The following ZNF385D variants were observed in gnomAD, a reference collection of about 807,000 sequenced individuals.
The protein encoded by ZNF385D is zinc finger protein 659.
Under a neutral mutation model 35.8 loss-of-function variants are expected in ZNF385D, and 15 were observed. The ratio of observed to expected loss-of-function variants is 0.42; its 90% CI spans 0.28 to 0.64. The LOEUF (loss-of-function observed/expected upper bound fraction) is 0.64, where lower values mean the gene tolerates loss of function less well. Among genes scored for constraint, ZNF385D ranks in the 30% least tolerant of loss-of-function variants. The pLI is 0.23. For synonymous variants in ZNF385D, 212 were observed against 186.8 expected (o/e 1.13, Z -1.10); for missense variants, 474 against 494.6 (o/e 0.96, Z 0.39).
At chr3:22,330,934 G>C (rs1694903644) in intron 2 of ZNF385D, among the ~76,000 whole-genome samples, 1 of 152,124 alleles carries the variant, frequency 6.6e-6, no homozygotes, top group Admixed American at 6.5e-5. Flanking sequence ...CTTTTGACTT[G>C]GCATGTCTTT....
rs550793052 is a variant in ZNF385D, at chr3:21,916,409, T to C, written c.326-251381A>G. On this transcript the variant is annotated intron_variant, in intron 3 of 5. Coordinates refer to the ZNF385D transcript ENST00000494108. ...TGATCATCTGCTTTACTGATTCTAA[T>C]GCATATTTTAACTTTTACACTTATG... Among the ~76,000 whole-genome samples, 62 of 152,310 alleles carry C rather than the reference T, an allele frequency of 4.1e-4. No individual in the cohort carries two copies. The South Asian group carries it at 0.012, about 29-fold the overall frequency.
chr3:22,235,417 A>G (rs1375300524), intron 2 of ZNF385D, among the ~76,000 whole-genome samples: 1 of 152,132 alleles, frequency 6.6e-6, no homozygotes, highest in African/African-American at 2.4e-5. Flanking sequence ...ATTTATTTTA[A>G]CAGGACGAAA....
At chr3:22,031,324 G>A (rs1697987613) in intron 3 of ZNF385D, among the ~76,000 whole-genome samples, 1 of 152,228 alleles carries the variant, frequency 6.6e-6, no homozygotes, top group Non-Finnish European at 1.5e-5. Context: ...TTCATGAGGG[G>A]CTCTGCCCCT....
intron 2 of ZNF385D, among the ~76,000 whole-genome samples, chr3:21,608,334 A>G (rs1050366814): frequency 6.6e-6 from 1 of 152,022 alleles, no homozygotes; most frequent in Non-Finnish European, 1.5e-5. Flanking sequence ...TTAATTATGT[A>G]TGTCTTTCAG....
At chr3:21,729,009 C>T (rs1022989969) in intron 1 of ZNF385D, among the ~76,000 whole-genome samples, 14 of 152,262 alleles carry the variant, frequency 9.2e-5, no homozygotes, top group African/African-American at 3.1e-4. Context: ...ATGCAAGGAA[C>T]CTACTAGTGA....
intron 2 of ZNF385D, chr3:21,579,726 TCAAATCCATGCTTCCTCTGAAA>T (rs1294109575): frequency 3.4e-5 from 5 of 146,910 alleles, no homozygotes; most frequent in Admixed American, 1.4e-4. Flanking sequence ...CCAGGTGCTG[TCAAATCCATGCTTCCTCTGAAA>T]CCTGTAGGGG....
chr3:21,586,318 G>A (rs2063810200), intron 2 of ZNF385D, among the ~76,000 whole-genome samples: 1 of 152,098 alleles, frequency 6.6e-6, no homozygotes, highest in Admixed American at 6.6e-5. Flanking sequence ...AAAGACTACT[G>A]GGAAGATTAA....
At chr3:22,278,153 G>T (rs1188119157) in intron 2 of ZNF385D, among the ~76,000 whole-genome samples, 1 of 151,976 alleles carries the variant, frequency 6.6e-6, no homozygotes, top group Non-Finnish European at 1.5e-5. Flanking sequence ...ACCCAACATG[G>T]CCTACAACAG....
intron 3 of ZNF385D, among the ~76,000 whole-genome samples, chr3:22,035,449 C>T (rs1037565595): frequency 1.3e-5 from 2 of 152,090 alleles, no homozygotes; most frequent in Non-Finnish European, 2.9e-5. Context: ...ATCAGTTAAG[C>T]CCAGAGCATA....
chr3:22,003,543 CAAT>C (rs1271986549), intron 3 of ZNF385D, among the ~76,000 whole-genome samples: 1 of 151,994 alleles, frequency 6.6e-6, no homozygotes. Context: ...TTCAAAATAT[CAAT>C]AATGTTTTTT....
chr3:21,543,474 C>G (rs1031002517), intron 3 of ZNF385D, among the ~76,000 whole-genome samples: 2 of 152,178 alleles, frequency 1.3e-5, no homozygotes, highest in Admixed American at 6.5e-5. Context: ...CAGCCGCTCC[C>G]CACTCCTTGC....
intron 2 of ZNF385D, among the ~76,000 whole-genome samples, chr3:21,647,040 A>G (rs1348133412): frequency 6.6e-6 from 1 of 152,330 alleles, no homozygotes; most frequent in East Asian, 1.9e-4. Context: ...AGTGGCAAGG[A>G]AAACAGCAAA....
intron 3 of ZNF385D, among the ~76,000 whole-genome samples, chr3:21,956,391 A>G (rs1702289479): frequency 6.6e-6 from 1 of 151,586 alleles, no homozygotes; most frequent in Admixed American, 6.6e-5. Context: ...TAATAGTAAT[A>G]ACGAGAAGAT....
At chr3:22,108,756 C>T (rs912411044) in intron 3 of ZNF385D, among the ~76,000 whole-genome samples, 2 of 152,062 alleles carry the variant, frequency 1.3e-5, no homozygotes, top group Admixed American at 1.3e-4. Context: ...CTCATGCCTG[C>T]AATCCCAGCA....
In ZNF385D at chr3:21,431,584, C is replaced by T. The variant is rs185868491; in HGVS notation, c.673+5386G>A. Among the ~76,000 whole-genome samples, 226 of 152,266 alleles carry T rather than the reference C, an allele frequency of 1.5e-3. No individual in the cohort carries two copies. In the South Asian group the frequency reaches 0.018, roughly 12 times the overall value. ...TTAAATAGCCACCTGAGGCTAGTGG[C>T]TGCCATTTTAGATAGTACAGCTCCA... On this transcript the variant is annotated intron_variant, in intron 5 of 7. Transcript: ENST00000281523.
At chr3:21,963,458 C>G (rs1198020942) in intron 3 of ZNF385D, among the ~76,000 whole-genome samples, 1 of 152,188 alleles carries the variant, frequency 6.6e-6, no homozygotes, top group African/African-American at 2.4e-5. Flanking sequence ...CTGCTTCTAT[C>G]ATTATCCAAA....
intron 3 of ZNF385D, among the ~76,000 whole-genome samples, chr3:21,922,493 C>G (rs1684476): frequency 1.3e-5 from 2 of 152,124 alleles, no homozygotes; most frequent in East Asian, 1.9e-4. Flanking sequence ...CACACACGTA[C>G]AGCCATCTGA....
At chr3:22,095,611 T>G (rs1410297805) in intron 3 of ZNF385D, among the ~76,000 whole-genome samples, 1 of 152,074 alleles carries the variant, frequency 6.6e-6, no homozygotes, top group Non-Finnish European at 1.5e-5. Flanking sequence ...AACTAGTTTT[T>G]CTATGACTTT....
intron 3 of ZNF385D, among the ~76,000 whole-genome samples, chr3:21,559,542 TG>T (rs2062864669): frequency 6.6e-6 from 1 of 152,240 alleles, no homozygotes; most frequent in South Asian, 2.1e-4. Context: ...GTTAGTCTGA[TG>T]GGCTTCCCTT....
Sources: allele counts gnomAD v4.1 joint callset (sites outside exome capture counted in the v4.1 genomes callset), GRCh38; gene constraint gnomAD v4.1.1; transcripts MANE v1.5; gene names NCBI Gene and HGNC (gene_info 2026-07-23, HGNC 2026-07-21).